Variants in NRXN3 observed in about 807,000 individuals in gnomAD.
NRXN3 encodes neurexin 3.
In NRXN3, 32 loss-of-function variants were observed where a neutral mutation model predicts 137.6. The observed-to-expected ratio is 0.23, with a 90% CI of 0.18 to 0.31. The LOEUF (loss-of-function observed/expected upper bound fraction) is 0.31, where lower values mean the gene tolerates loss of function less well. NRXN3 is among the 10% of genes least tolerant of loss of function. The pLI is 1.00. For synonymous variants in NRXN3, 798 were observed against 784.5 expected (o/e 1.02, Z -0.29); for missense variants, 1,574 against 2,062.5 (o/e 0.76, Z 4.59).
chr14:79,576,748 C>T (rs2097668617), intron 16 of NRXN3, among the ~76,000 whole-genome samples: 1 of 152,000 alleles, frequency 6.6e-6, no homozygotes, highest in African/African-American at 2.4e-5. Flanking sequence ...TTTCTTTTTC[C>T]ATAGACTCCT....
intron 10 of NRXN3, among the ~76,000 whole-genome samples, chr14:78,942,762 C>T (rs2099355583): frequency 6.6e-6 from 1 of 152,080 alleles, no homozygotes. Context: ...GAGCATACTA[C>T]ATATTAAATG....
chr14:78,411,678 G>A (rs916217463), intron 4 of NRXN3, among the ~76,000 whole-genome samples: 3 of 152,168 alleles, frequency 2.0e-5, no homozygotes, highest in African/African-American at 7.2e-5. Flanking sequence ...CTGGTGATGG[G>A]GAAGCCCCCT....
chr14:78,849,218 C>G (rs191689911), intron 10 of NRXN3, among the ~76,000 whole-genome samples: 3 of 152,142 alleles, frequency 2.0e-5, no homozygotes, highest in African/African-American at 7.2e-5. Context: ...TCTCTTTGAC[C>G]ATTTTTCCCA....
At chr14:79,257,562 G>A (rs891326799) in intron 15 of NRXN3, among the ~76,000 whole-genome samples, 4 of 107,580 alleles carry the variant, frequency 3.7e-5, no homozygotes, top group African/African-American at 1.2e-4. Flanking sequence ...GGTGGTGATG[G>A]TGGTGGTGGT....
At chr14:78,447,068 C>T (rs1454244833) in intron 4 of NRXN3, among the ~76,000 whole-genome samples, 26 of 152,150 alleles carry the variant, frequency 1.7e-4, no homozygotes, top group Admixed American at 1.7e-3. Flanking sequence ...ATCTCCATAG[C>T]CTGCGAGATG....
intron 19 of NRXN3, among the ~76,000 whole-genome samples, chr14:79,777,643 A>C (rs1271267902): frequency 1.3e-5 from 2 of 151,988 alleles, no homozygotes; most frequent in African/African-American, 4.8e-5. Flanking sequence ...CTTATTTTGA[A>C]GGTTATTTAT....
intron 15 of NRXN3, among the ~76,000 whole-genome samples, chr14:79,212,090 A>G (rs2153225750): frequency 6.6e-6 from 1 of 152,272 alleles, no homozygotes; most frequent in Non-Finnish European, 1.5e-5. Flanking sequence ...ATCTGTGGCA[A>G]AGGGAACAAG....
At chr14:79,146,477 TTATAA>T (rs2059311803) in intron 15 of NRXN3, among the ~76,000 whole-genome samples, 3 of 152,020 alleles carry the variant, frequency 2.0e-5, no homozygotes, top group African/African-American at 7.3e-5. Context: ...TTAGATAAAG[TTATAA>T]TATCTGATAA....
At chr14:78,943,272 T>C (rs1055935107) in intron 10 of NRXN3, among the ~76,000 whole-genome samples, 1 of 151,922 alleles carries the variant, frequency 6.6e-6, no homozygotes. Context: ...AGCCTAATGG[T>C]GATGAAGAAG....
At chr14:79,722,841 T>G (rs1033765904) in intron 19 of NRXN3, among the ~76,000 whole-genome samples, 23 of 152,280 alleles carry the variant, frequency 1.5e-4, no homozygotes, top group African/African-American at 5.5e-4. Flanking sequence ...AAATGGTAGA[T>G]GGATAGATGG....
intron 10 of NRXN3, among the ~76,000 whole-genome samples, chr14:78,827,686 C>A (rs979057426): frequency 6.6e-6 from 1 of 152,198 alleles, no homozygotes; most frequent in East Asian, 1.9e-4. Context: ...TACTGGCTTG[C>A]CTTGTTCCTG....
At chr14:79,239,649 G>C (rs1381304361) in intron 15 of NRXN3, among the ~76,000 whole-genome samples, 1 of 152,074 alleles carries the variant, frequency 6.6e-6, no homozygotes, top group Non-Finnish European at 1.5e-5. Context: ...TCCCACTACT[G>C]GGTATATATC....
intron 15 of NRXN3, among the ~76,000 whole-genome samples, chr14:79,227,790 CTCCCT>C (rs1568684850): frequency 6.3e-5 from 5 of 79,118 alleles, no homozygotes; most frequent in Non-Finnish European, 1.1e-4. Context: ...TCCTTCCCTC[CTCCCT>C]TCCTCCCTTC....
intron 15 of NRXN3, among the ~76,000 whole-genome samples, chr14:79,233,779 G>C (rs7140419): frequency 0.021 from 3,180 of 151,966 alleles, 104 homozygotes; most frequent in African/African-American, 0.072. Flanking sequence ...AAGGTCCCAT[G>C]ATGATCCTAG....
chr14:79,251,337 C>A (rs939108506), intron 15 of NRXN3, among the ~76,000 whole-genome samples: 3 of 152,062 alleles, frequency 2.0e-5, no homozygotes, highest in African/African-American at 7.2e-5. Context: ...AGGGGCCGAG[C>A]TGAATGATGC....
At chr14:78,585,431 A>G (rs547309475) in intron 4 of NRXN3, among the ~76,000 whole-genome samples, 72 of 152,096 alleles carry the variant, frequency 4.7e-4, no homozygotes, top group Non-Finnish European at 8.7e-4. Context: ...GCCATGGACA[A>G]ATTGAAGCAG....
rs112868142 is a variant in NRXN3, at chr14:78,906,790, A to C, written c.2276-50452A>C. Among the ~76,000 whole-genome samples the C allele has an allele frequency of 3.4e-3, 518 of 152,048 alleles. 3 individuals carry two copies. The highest frequency in any genetic ancestry group is 0.011 in the African/African-American group (475 of 41,472). ...TCCCACTTGGCTGGAGCTGGGGCCTAGGTAGATTCAGGCTTACATATAGCC... is the reference window on the plus strand; with the variant it reads ...TCCCACTTGGCTGGAGCTGGGGCCTCGGTAGATTCAGGCTTACATATAGCC... On this transcript the variant is annotated intron_variant, in intron 10 of 20. Coordinates refer to ENST00000335750, the MANE Select transcript of NRXN3 (RefSeq NM_001330195.2).
chr14:79,788,071 G>A (rs898885162), intron 19 of NRXN3, among the ~76,000 whole-genome samples: 6 of 152,128 alleles, frequency 3.9e-5, no homozygotes, highest in African/African-American at 7.2e-5. Context: ...GACTGGGGGG[G>A]CCTCACAATC....
chr14:79,132,522 C>G (rs1596325814), intron 15 of NRXN3, among the ~76,000 whole-genome samples: 1 of 152,124 alleles, frequency 6.6e-6, no homozygotes, highest in African/African-American at 2.4e-5. Flanking sequence ...TTAATTATAC[C>G]TATTTCTCCT....
Sources: allele counts gnomAD v4.1 joint callset (sites outside exome capture counted in the v4.1 genomes callset), GRCh38; gene constraint gnomAD v4.1.1; transcripts MANE v1.5; gene names NCBI Gene and HGNC (gene_info 2026-07-23, HGNC 2026-07-21).